TAF1B: variants seen among roughly 807,000 people sequenced by gnomAD.
The protein encoded by TAF1B is TATA-box binding protein associated factor, RNA polymerase I subunit B, also known as TATA box-binding protein-associated factor RNA polymerase I subunit B.
Under a neutral mutation model 83.9 loss-of-function variants are expected in TAF1B, and 61 were observed. That is an observed-to-expected ratio of 0.73 (90% CI 0.59 to 0.90). The LOEUF (loss-of-function observed/expected upper bound fraction) is 0.90, where lower values mean the gene tolerates loss of function less well. TAF1B is among the 40% of genes least tolerant of loss of function. The pLI is 0.00. For missense variants in TAF1B, 625 were observed against 677.0 expected, an observed-to-expected ratio of 0.92 and a Z score of 0.85; for synonymous variants, 221 against 224.6, an observed-to-expected ratio of 0.98 and a Z score of 0.14.
intron 8 of TAF1B, among the ~76,000 whole-genome samples, chr2:9,900,094 T>C (rs1248499968): frequency 6.6e-6 from 1 of 152,180 alleles, no homozygotes; most frequent in Non-Finnish European, 1.5e-5. Flanking sequence ...CAAAACATAA[T>C]GTTAGGTCAA....
Position 9,845,308 on chromosome 2 carries a change from A to G in TAF1B, c.107A>G (p.Asn36Ser), listed in dbSNP as rs374218229. The change falls in exon 2 of 15, where the codon AAT (asparagine) becomes AGT (serine). Residue 36 changes from asparagine (N) to serine (S), a missense_variant. Physicochemically the swap from Asn to Ser is conservative, Grantham distance 46 (BLOSUM62 1). Transcript: ENST00000263663. Reference protein sequence around the residue: ...EGKYYCTSCHNVTERYQEVTN... With the variant: ...EGKYYCTSCHSVTERYQEVTN... Reference sequence around the variant, plus strand: ...AAATATTATTGCACTTCTTGCCACAATGTTACAGAGGTAAGTAACAAATAT... The same window carrying G: ...AAATATTATTGCACTTCTTGCCACAGTGTTACAGAGGTAAGTAACAAATAT... 2.2e-5 allele frequency: 35 copies of G among 1,613,130 alleles called. 1 individual carries two copies. Among genetic ancestry groups the G allele is most frequent in the Admixed American group, 1.5e-4 (9 of 60,014 alleles).
At chr2:9,898,132 C>T (rs78831199) in intron 8 of TAF1B, among the ~76,000 whole-genome samples, 1,826 of 152,210 alleles carry the variant, frequency 0.012, 40 homozygotes, top group African/African-American at 0.041. Flanking sequence ...TTCCTACAAC[C>T]GGCATATTCT....
At chr2:9,884,676 G>A (rs1480154120) in intron 8 of TAF1B, among the ~76,000 whole-genome samples, 1 of 152,182 alleles carries the variant, frequency 6.6e-6, no homozygotes, top group Non-Finnish European at 1.5e-5. Context: ...AGGCCCTGGA[G>A]TAGGTTATTC....
At chr2:9,878,898 A>C (rs1328639652) in intron 7 of TAF1B, among the ~76,000 whole-genome samples, 1 of 152,254 alleles carries the variant, frequency 6.6e-6, no homozygotes, top group African/African-American at 2.4e-5. Context: ...AAGGCTATTC[A>C]GAAGATTGAA....
Position 9,932,832 on chromosome 2 carries a change from T to C in TAF1B, c.1566-951T>C, listed in dbSNP as rs561077914. On this transcript the variant is annotated intron_variant, in intron 14 of 14. Transcript: ENST00000263663. ...CTGAGCTGCAGTGGGCTCTGCCCGG[T>C]TTGAGCTTCCTGACCGCTTTGTTTA... Among the ~76,000 whole-genome samples the C allele has an allele frequency of 5.1e-4, 78 of 152,024 alleles. 1 individual carries two copies. The highest frequency in any genetic ancestry group is 1.7e-3 in the African/African-American group (72 of 41,458).
chr2:9,867,302 C>G (rs964306830), intron 5 of TAF1B, among the ~76,000 whole-genome samples: 31 of 152,238 alleles, frequency 2.0e-4, no homozygotes, highest in African/African-American at 6.7e-4. Flanking sequence ...CAGGCAGAGG[C>G]AGAGTATGTG....
intron 12 of TAF1B, among the ~76,000 whole-genome samples, chr2:9,917,799 G>A (rs1572283679): frequency 2.0e-5 from 3 of 151,492 alleles, no homozygotes; most frequent in African/African-American, 7.3e-5. Context: ...CCGGCCGGGC[G>A]CGGTGGCTCA....
chr2:9,861,441 C>G (rs1663755044), intron 5 of TAF1B, among the ~76,000 whole-genome samples: 2 of 152,264 alleles, frequency 1.3e-5, no homozygotes, highest in Non-Finnish European at 2.9e-5. Flanking sequence ...GTAAACAAAG[C>G]TGCTGGGAAG....
chr2:9,906,989 C>CA (rs1665363766), intron 9 of TAF1B, among the ~76,000 whole-genome samples: 1 of 152,096 alleles, frequency 6.6e-6, no homozygotes, highest in Non-Finnish European at 1.5e-5. Context: ...GTGATCCTCC[C>CA]ACCTCAGCCT....
chr2:9,880,293 T>A (rs75999038), intron 7 of TAF1B, among the ~76,000 whole-genome samples: 8 of 152,232 alleles, frequency 5.3e-5, no homozygotes, highest in Non-Finnish European at 1.2e-4. Flanking sequence ...GGCTAAACTC[T>A]GTTGGTCAGG....
intron 8 of TAF1B, among the ~76,000 whole-genome samples, chr2:9,900,638 T>C (rs1052908367): frequency 1.3e-5 from 2 of 152,160 alleles, no homozygotes; most frequent in African/African-American, 4.8e-5. Context: ...AGTTCGGGTC[T>C]GGGGTAGAGT....
At chr2:9,915,628 A>C (rs1295602848) in intron 12 of TAF1B, among the ~76,000 whole-genome samples, 1 of 152,138 alleles carries the variant, frequency 6.6e-6, no homozygotes, top group Non-Finnish European at 1.5e-5. Context: ...AAAAACAAAA[A>C]CTGATCATTC....
intron 14 of TAF1B, among the ~76,000 whole-genome samples, chr2:9,920,341 G>A (rs1230438378): frequency 2.0e-5 from 3 of 152,164 alleles, no homozygotes; most frequent in Non-Finnish European, 4.4e-5. Context: ...GAGTAGGTAT[G>A]GCATTGATTG....
At chr2:9,874,491 C>T (rs1320911284) in intron 6 of TAF1B, among the ~76,000 whole-genome samples, 2 of 151,888 alleles carry the variant, frequency 1.3e-5, no homozygotes, top group Non-Finnish European at 2.9e-5. Context: ...AGGCTAGTCT[C>T]GCATTCTTGG....
chr2:9,843,676 G>A, intron 1 of TAF1B, 117 bp downstream of exon 1: 1 of 1,225,686 alleles, frequency 8.2e-7, no homozygotes, highest in Non-Finnish European at 1.1e-6. Flanking sequence ...GCTGGAGGAA[G>A]GCGGGGCGGA....
At chr2:9,880,426 CTTTTT>C (rs6146620) in intron 7 of TAF1B, among the ~76,000 whole-genome samples, 35 of 75,036 alleles carry the variant, frequency 4.7e-4, no homozygotes, top group Non-Finnish European at 6.4e-4. Context: ...GAGTAAGCAG[CTTTTT>C]TTTTTTTTTT....
At chr2:9,903,108 C>T (rs1037026818) in intron 8 of TAF1B, among the ~76,000 whole-genome samples, 4 of 152,064 alleles carry the variant, frequency 2.6e-5, no homozygotes, top group African/African-American at 7.2e-5. Context: ...TTATTTGAGA[C>T]GGAGTCTGGC....
intron 6 of TAF1B, 161 bp downstream of exon 6, chr2:9,868,590 T>A: frequency 9.2e-7 from 1 of 1,091,024 alleles, no homozygotes; most frequent in Non-Finnish European, 1.4e-6. Flanking sequence ...TAAGACAAAC[T>A]AAGTGAAATC....
chr2:9,898,382 CTT>C (rs1365105311), intron 8 of TAF1B, among the ~76,000 whole-genome samples: 4 of 152,160 alleles, frequency 2.6e-5, no homozygotes, highest in African/African-American at 4.8e-5. Context: ...CTATGTCTGT[CTT>C]TTGTTATTCC....
Sources: gnomAD v4.1 joint callset for allele counts (sites outside exome capture counted in the v4.1 genomes callset) on GRCh38, gnomAD v4.1.1 for gene constraint, MANE v1.5 for transcripts, NCBI Gene and HGNC (gene_info 2026-07-23, HGNC 2026-07-21) for gene names.